EGFLAM: variants seen among roughly 807,000 people sequenced by gnomAD.
The protein encoded by EGFLAM is EGF like, fibronectin type III and laminin G domains, also known as pikachurin.
EGFLAM carries 79 observed loss-of-function variants against 113.1 expected under a neutral mutation model. The ratio of observed to expected loss-of-function variants is 0.70; its 90% CI spans 0.58 to 0.84. The LOEUF (loss-of-function observed/expected upper bound fraction) is 0.84, where lower values mean the gene tolerates loss of function less well. EGFLAM is among the 40% of genes least tolerant of loss of function. EGFLAM has a pLI of 0.00. For synonymous variants in EGFLAM, 504 were observed against 487.6 expected (o/e 1.03, Z -0.44); for missense variants, 1,265 against 1,291.6 (o/e 0.98, Z 0.32).
chr5:38,438,319 C>G lies in EGFLAM; in HGVS notation c.2328C>G (p.Thr776=), dbSNP rs549153604. 6 of 1,614,080 alleles carry G rather than the reference C, an allele frequency of 3.7e-6. No individual in the cohort carries two copies. In the East Asian group the frequency reaches 6.7e-5, roughly 18 times the overall value. Residue 776 remains threonine (T), a synonymous_variant, in exon 17 of 22, where the codon ACC becomes ACG. Transcript: ENST00000322350. ...CCATCCATGTGAAGCATGACTTCAC[C>G]TCCGGAGTGAATGTGGAGAATGCGG... ...DRTIHVKHDF[T]SGVNVENAAH... is the part of the protein sequence containing the mutation.
At position 38,435,211 on chromosome 5, in the gene EGFLAM, G is replaced by C; in HGVS notation, c.2241G>C (p.Lys747Asn). 2 of 1,614,162 alleles carry C rather than the reference G, an allele frequency of 1.2e-6. No homozygotes were observed. The highest frequency in any genetic ancestry group is 1.7e-6 in the Non-Finnish European group (2 of 1,180,020). The change falls in exon 16 of 22, where the codon AAG becomes AAC. Residue 747 changes from lysine to asparagine, a missense_variant. Coordinates refer to ENST00000322350, the MANE Select transcript of EGFLAM (RefSeq NM_152403.4). ...TCCCCAATTATGATGATGTGAAGAA[G>C]AACTCGGGTGTCCTGAAGCCTTTCA... is the stretch of plus-strand genomic sequence containing the variant. ...GGVPNYDDVK[K>N]NSGVLKPFSG...
At chr5:38,326,591 C>T (rs1738890189) in intron 1 of EGFLAM, among the ~76,000 whole-genome samples, 1 of 151,912 alleles carries the variant, frequency 6.6e-6, no homozygotes, top group Non-Finnish European at 1.5e-5. Context: ...CTCTGCCTCC[C>T]AGGTTCATGC....
At chr5:38,338,660 G>A (rs564517516) in intron 2 of EGFLAM, 38 bp from the exon 3 acceptor site, 31 of 1,595,776 alleles carry the variant, frequency 1.9e-5, no homozygotes, top group East Asian at 6.7e-5. Context: ...ACACAAGCAC[G>A]GGCTCTGCTC....
chr5:38,370,204 G>A (rs903880054), intron 5 of EGFLAM, 92 bp from the exon 6 acceptor site: 43 of 1,321,844 alleles, frequency 3.3e-5, no homozygotes, highest in Middle Eastern at 1.9e-4. Flanking sequence ...TGCTTCCAGA[G>A]TTCAAATGCT....
chr5:38,289,300 T>G (rs1385415236), intron 1 of EGFLAM, among the ~76,000 whole-genome samples: 2 of 148,610 alleles, frequency 1.3e-5, no homozygotes, highest in Non-Finnish European at 3.0e-5. Flanking sequence ...TTTCCAGGTC[T>G]TATTTCAGAT....
chr5:38,386,129 G>C (rs574691061), intron 6 of EGFLAM, among the ~76,000 whole-genome samples: 1 of 152,334 alleles, frequency 6.6e-6, no homozygotes, highest in South Asian at 2.1e-4. Context: ...ACTATGTGAT[G>C]CATGACTATA....
At chr5:38,380,248 A>T (rs545704311) in intron 6 of EGFLAM, among the ~76,000 whole-genome samples, 1 of 152,368 alleles carries the variant, frequency 6.6e-6, no homozygotes, top group South Asian at 2.1e-4. Flanking sequence ...GAAATTTGTC[A>T]GGAAATTTGG....
chr5:38,409,537 G>T (rs1579888227), intron 10 of EGFLAM, among the ~76,000 whole-genome samples: 1 of 152,308 alleles, frequency 6.6e-6, no homozygotes, highest in South Asian at 2.1e-4. Context: ...GGATGTAACT[G>T]GTGCTGTAGG....
chr5:38,314,218 G>C (rs1738530711), intron 1 of EGFLAM, among the ~76,000 whole-genome samples: 1 of 152,138 alleles, frequency 6.6e-6, no homozygotes, highest in Non-Finnish European at 1.5e-5. Flanking sequence ...CTAACCAACT[G>C]TCCTAATGTT....
At chr5:38,270,837 C>A (rs1353988224) in intron 1 of EGFLAM, among the ~76,000 whole-genome samples, 1 of 152,120 alleles carries the variant, frequency 6.6e-6, no homozygotes, top group African/African-American at 2.4e-5. Context: ...AATGTTAATG[C>A]ATATTAATTA....
chr5:38,325,798 A>G (rs1738864209), intron 1 of EGFLAM, among the ~76,000 whole-genome samples: 1 of 152,162 alleles, frequency 6.6e-6, no homozygotes, highest in Non-Finnish European at 1.5e-5. Context: ...ATCCAGTAAC[A>G]TCAGAATGGT....
At chr5:38,309,752 A>C (rs867258540) in intron 1 of EGFLAM, among the ~76,000 whole-genome samples, 8 of 152,192 alleles carry the variant, frequency 5.3e-5, no homozygotes, top group Middle Eastern at 3.2e-3. Context: ...TCAGCCTAGC[A>C]CTTGCTTCTT....
At chr5:38,360,458 C>T (rs183279293) in intron 5 of EGFLAM, among the ~76,000 whole-genome samples, 67 of 152,238 alleles carry the variant, frequency 4.4e-4, no homozygotes, top group Admixed American at 3.9e-3. Flanking sequence ...ATCTAAAATC[C>T]TGTGACTCTG....
chr5:38,413,456 C>T (rs78908879), intron 11 of EGFLAM, among the ~76,000 whole-genome samples: 5,597 of 151,788 alleles, frequency 0.037, 126 homozygotes, highest in Middle Eastern at 0.062. Context: ...GTTCATCTAC[C>T]TTTGAGGGGG....
At chr5:38,345,040 A>C (rs1444935464) in intron 3 of EGFLAM, among the ~76,000 whole-genome samples, 2 of 152,214 alleles carry the variant, frequency 1.3e-5, no homozygotes, top group African/African-American at 4.8e-5. Context: ...GAGGGAATGG[A>C]AAAGGCAGTT....
intron 19 of EGFLAM, among the ~76,000 whole-genome samples, chr5:38,456,728 A>G (rs1743099797): frequency 6.6e-6 from 1 of 152,192 alleles, no homozygotes; most frequent in Non-Finnish European, 1.5e-5. Flanking sequence ...CAGAATGAGT[A>G]CATGCCAGTG....
intron 6 of EGFLAM, among the ~76,000 whole-genome samples, chr5:38,375,143 T>C (rs186421371): frequency 3.3e-5 from 5 of 152,162 alleles, no homozygotes; most frequent in Admixed American, 3.3e-4. Flanking sequence ...GCATTTGCTT[T>C]TGGTTTTAAA....
chr5:38,279,108 G>GA (rs555056327), intron 1 of EGFLAM, among the ~76,000 whole-genome samples: 3 of 152,014 alleles, frequency 2.0e-5, no homozygotes, highest in African/African-American at 7.2e-5. Context: ...ACAGGAATAT[G>GA]AAAAAATGCT....
At position 38,457,226 on chromosome 5, in the gene EGFLAM, A is replaced by AT. The variant is rs887363737; in HGVS notation, c.2688-1076dup. ...GGGCTCACCCTACTCTGCAATGTTC[A>AT]TTTTTTTTTAAAAAGTGAAAACAGA... is the stretch of plus-strand genomic sequence containing the variant. On this transcript the variant is annotated intron_variant, in intron 19 of 21. Coordinates refer to ENST00000322350, the MANE Select transcript of EGFLAM (RefSeq NM_152403.4). 1.2e-4 allele frequency among the ~76,000 whole-genome samples: 18 copies of AT among 152,080 alleles called. No homozygotes were observed. The East Asian group carries it at 2.1e-3, about 18-fold the overall frequency.
Sources: allele counts gnomAD v4.1 joint callset (sites outside exome capture counted in the v4.1 genomes callset), GRCh38; gene constraint gnomAD v4.1.1; transcripts MANE v1.5; gene names NCBI Gene and HGNC (gene_info 2026-07-23, HGNC 2026-07-21).